Variants in PCDHA2 observed in about 807,000 individuals in gnomAD.
The protein encoded by PCDHA2 is protocadherin alpha-2.
In PCDHA2, 58 loss-of-function variants were observed where a neutral mutation model predicts 66.0. The ratio of observed to expected loss-of-function variants is 0.88; its 90% CI spans 0.71 to 1.09. The LOEUF (loss-of-function observed/expected upper bound fraction) is 1.09, where lower values mean the gene tolerates loss of function less well. Among genes scored for constraint, PCDHA2 ranks in the 50% least tolerant of loss-of-function variants. PCDHA2 has a pLI of 0.00. For synonymous variants in PCDHA2, 634 were observed against 554.0 expected (o/e 1.14, Z -2.03); for missense variants, 1,267 against 1,242.3 (o/e 1.02, Z -0.30).
intron 1 of PCDHA2, among the ~76,000 whole-genome samples, chr5:140,961,335 A>G (rs548773476): frequency 1.6e-4 from 24 of 152,322 alleles, no homozygotes; most frequent in African/African-American, 5.8e-4. Context: ...TGAGAGACCA[A>G]GAGTGGATCC....
At chr5:140,904,164 T>A (rs1475689291) in intron 1 of PCDHA2, among the ~76,000 whole-genome samples, 2 of 152,078 alleles carry the variant, frequency 1.3e-5, no homozygotes, top group South Asian at 4.1e-4. Flanking sequence ...CAGTTTGTAG[T>A]CTTTTATTCC....
At chr5:140,884,400 T>C (rs2060147472) in intron 1 of PCDHA2, 1 of 1,613,972 alleles carries the variant, frequency 6.2e-7, no homozygotes, top group Non-Finnish European at 8.5e-7. Context: ...TCCAGCCTGT[T>C]GGTGCTCACG....
Position 140,856,403 on chromosome 5 carries a change from G to A in PCDHA2, c.2388+59051G>A, listed in dbSNP as rs782447462. On this transcript the variant is annotated intron_variant, in intron 1 of 3. Coordinates refer to ENST00000526136, the MANE Select transcript of PCDHA2 (RefSeq NM_018905.3). ...CAGGCCGCTGCAGGTTTTCCATGTG[G>A]ACGTGGAAGTGAAGGACATTAACGA... 5.8e-5 allele frequency: 92 copies of A among 1,598,448 alleles called. 11 individuals are homozygous for A. The highest frequency in any genetic ancestry group is 7.7e-5 in the Non-Finnish European group (90 of 1,168,002).
intron 1 of PCDHA2, chr5:140,869,731 T>C (rs1554163388): frequency 6.2e-7 from 1 of 1,613,416 alleles, no homozygotes. Flanking sequence ...GGAACTTAAT[T>C]TGCTGCTAAC....
chr5:141,005,819 G>A, intron 3 of PCDHA2, among the ~76,000 whole-genome samples: 1 of 151,636 alleles, frequency 6.6e-6, no homozygotes, highest in South Asian at 2.1e-4. Context: ...CAGGTATGGT[G>A]GCCTGTAGTC....
intron 1 of PCDHA2, among the ~76,000 whole-genome samples, chr5:140,920,983 T>C (rs1472212249): frequency 6.6e-6 from 1 of 152,106 alleles, no homozygotes; most frequent in Non-Finnish European, 1.5e-5. Context: ...AATATTGTAT[T>C]TGCTTATTTT....
At chr5:140,800,930 T>G in intron 1 of PCDHA2, 1 of 774,240 alleles carries the variant, frequency 1.3e-6, no homozygotes, top group Non-Finnish European at 1.8e-6. Flanking sequence ...AACTAGAAAT[T>G]TTGGGAAAGT....
chr5:140,795,230 G>A lies in PCDHA2; in HGVS notation c.266G>A (p.Arg89Gln), dbSNP rs145951382. Residue 89 changes from arginine to glutamine, a missense_variant, in exon 1 of 4, where the codon CGG becomes CAG. Physicochemically the swap from Arg to Gln is conservative, Grantham distance 43. Transcript: ENST00000526136. ...LQNGILFVNS[R>Q]IDREELCGRS... The stretch of plus-strand genomic sequence containing the variant: ...AATGGCATTTTGTTTGTGAATTCTC[G>A]GATCGACCGGGAGGAGCTGTGCGGG... 4.5e-5 allele frequency: 73 copies of A among 1,614,232 alleles called. No homozygotes were observed. The South Asian group carries it at 7.0e-4, about 16-fold the overall frequency.
At chr5:140,861,430 A>C in intron 1 of PCDHA2, 1 of 488,226 alleles carries the variant, frequency 2.0e-6, no homozygotes, top group Admixed American at 2.1e-5. Context: ...TTTCAGTTGG[A>C]TTCCAAAAGC....
chr5:140,892,233 C>G (rs1199614913), intron 1 of PCDHA2, among the ~76,000 whole-genome samples: 1 of 152,082 alleles, frequency 6.6e-6, no homozygotes, highest in Non-Finnish European at 1.5e-5. Context: ...TGTTTTGTCT[C>G]CACATAAACC....
chr5:140,981,690 A>C (rs1410954672), intron 2 of PCDHA2, among the ~76,000 whole-genome samples: 1 of 150,712 alleles, frequency 6.6e-6, no homozygotes, highest in Non-Finnish European at 1.5e-5. Flanking sequence ...CCCTTCCATC[A>C]TTCATTCATT....
intron 1 of PCDHA2, chr5:140,829,828 G>C: frequency 6.2e-7 from 1 of 1,613,938 alleles, no homozygotes; most frequent in Non-Finnish European, 8.5e-7. Flanking sequence ...CAGTGAGCGA[G>C]CTGGTGCCGC....
At chr5:140,824,388 G>A in intron 1 of PCDHA2, 1 of 557,068 alleles carries the variant, frequency 1.8e-6, no homozygotes. Context: ...CTCTAAAAAT[G>A]TAGGATAATA....
At chr5:140,875,600 C>A (rs2055640130) in intron 1 of PCDHA2, 5 of 1,613,766 alleles carry the variant, frequency 3.1e-6, no homozygotes, top group African/African-American at 1.3e-5. Flanking sequence ...AAACACGGCA[C>A]CTTCGTGGGC....
intron 1 of PCDHA2, chr5:140,967,975 T>C (rs781819149): frequency 3.2e-5 from 52 of 1,614,016 alleles, no homozygotes; most frequent in African/African-American, 5.3e-5. Context: ...TGAGCCTGGG[T>C]CTGGAGGCCA....
chr5:140,922,989 G>A (rs2081104632), intron 1 of PCDHA2, among the ~76,000 whole-genome samples: 1 of 152,214 alleles, frequency 6.6e-6, no homozygotes, highest in Non-Finnish European at 1.5e-5. Context: ...CAATAGGCAA[G>A]CCATGAGAAT....
chr5:140,985,859 C>T (rs2153837183), intron 3 of PCDHA2, among the ~76,000 whole-genome samples: 1 of 151,736 alleles, frequency 6.6e-6, no homozygotes, highest in African/African-American at 2.4e-5. Context: ...CCTGCCTCAG[C>T]CTCCTGAGTA....
chr5:140,847,482 A>G (rs1283020613), intron 1 of PCDHA2: 1 of 149,956 alleles, frequency 6.7e-6, no homozygotes, highest in Non-Finnish European at 1.5e-5. Flanking sequence ...TTGGAATAAG[A>G]TAGTAAAACT....
chr5:140,869,589 T>A, intron 1 of PCDHA2: 1 of 1,614,120 alleles, frequency 6.2e-7, no homozygotes. Context: ...ATGCTGACAT[T>A]GAAGAGAATG....
Sources: allele counts gnomAD v4.1 joint callset (sites outside exome capture counted in the v4.1 genomes callset), GRCh38; gene constraint gnomAD v4.1.1; transcripts MANE v1.5; gene names NCBI Gene and HGNC (gene_info 2026-07-23, HGNC 2026-07-21).